Variants in SPAG17 observed in about 807,000 individuals in gnomAD.
SPAG17 encodes sperm-associated antigen 17.
SPAG17 carries 169 observed loss-of-function variants against 273.6 expected under a neutral mutation model. The ratio of observed to expected loss-of-function variants is 0.62; its 90% CI spans 0.55 to 0.70. SPAG17 has a LOEUF of 0.70. SPAG17 is among the 30% of genes least tolerant of loss of function. The pLI is 0.00. For synonymous variants in SPAG17, 825 were observed against 873.2 expected (o/e 0.94, Z 0.97); for missense variants, 2,557 against 2,627.8 (o/e 0.97, Z 0.59).
chr1:118,102,731 A>G (rs1181515798), intron 4 of SPAG17, among the ~76,000 whole-genome samples: 1 of 152,254 alleles, frequency 6.6e-6, no homozygotes, highest in African/African-American at 2.4e-5. Context: ...TAATGTAATT[A>G]CACTTTCAGT....
chr1:118,099,936 G>T, intron 5 of SPAG17, 136 bp from the exon 6 acceptor site: 1 of 673,080 alleles, frequency 1.5e-6, no homozygotes, highest in Non-Finnish European at 2.4e-6. Context: ...CAGTTGGCTG[G>T]AATGCAGTCA....
chr1:118,092,341 A>T (rs1002473268), intron 8 of SPAG17, among the ~76,000 whole-genome samples: 2 of 152,066 alleles, frequency 1.3e-5, no homozygotes, highest in Admixed American at 1.3e-4. Context: ...ATCCTTCAGC[A>T]GTTCTCCATT....
chr1:118,168,898 C>T (rs1660293763), intron 1 of SPAG17, among the ~76,000 whole-genome samples: 1 of 152,088 alleles, frequency 6.6e-6, no homozygotes, highest in African/African-American at 2.4e-5. Context: ...CAGCATGTAC[C>T]TGGGGACCAT....
At chr1:118,123,799 CA>C (rs1558029290) in intron 3 of SPAG17, among the ~76,000 whole-genome samples, 17 of 152,252 alleles carry the variant, frequency 1.1e-4, no homozygotes, top group Non-Finnish European at 2.2e-4. Flanking sequence ...AAGTTGGTAA[CA>C]TAATAACATT....
At chr1:118,171,295 A>C (rs1660407025) in intron 1 of SPAG17, among the ~76,000 whole-genome samples, 1 of 152,084 alleles carries the variant, frequency 6.6e-6, no homozygotes, top group Non-Finnish European at 1.5e-5. Flanking sequence ...AGAAAATATA[A>C]GATTTGGTTC....
At chr1:118,154,506 A>C (rs889746883) in intron 1 of SPAG17, among the ~76,000 whole-genome samples, 1 of 152,208 alleles carries the variant, frequency 6.6e-6, no homozygotes, top group African/African-American at 2.4e-5. Flanking sequence ...AGCATAGTTA[A>C]ATAAGCAATT....
chr1:118,069,323 C>T lies in SPAG17; in HGVS notation c.2386-2424G>A, dbSNP rs553320618. On this transcript the variant is annotated intron_variant, in intron 17 of 48. Transcript: ENST00000336338. ...GCATGCCACTGCACTCCAGCCTAAG[C>T]GACAGAGTGAGACTCCGTCTCAAAA... Among the ~76,000 whole-genome samples the T allele has an allele frequency of 9.3e-4, 112 of 120,284 alleles. 1 individual carries two copies. Among genetic ancestry groups the T allele is most frequent in the African/African-American group, 3.2e-3 (107 of 33,274 alleles). 78.9% of individuals were successfully genotyped at this position (120,284 alleles called of 152,430 possible).
chr1:118,004,445 C>T (rs1343106611), intron 32 of SPAG17, among the ~76,000 whole-genome samples: 14 of 152,232 alleles, frequency 9.2e-5, no homozygotes, highest in Non-Finnish European at 1.5e-5. Flanking sequence ...GGCAGTAGGC[C>T]TTGCTGAGCT....
intron 25 of SPAG17, among the ~76,000 whole-genome samples, 178 bp downstream of exon 25, chr1:118,031,514 C>T (rs1648463240): frequency 6.6e-6 from 1 of 152,046 alleles, no homozygotes; most frequent in African/African-American, 2.4e-5. Flanking sequence ...AGTGGTAACC[C>T]AACTTTTGGG....
In SPAG17 at chr1:118,039,318, CCTT is replaced by C. The variant is rs1313706194; in HGVS notation, c.3290_3292del (p.Glu1097del). The C allele has an allele frequency of 1.9e-6, 3 of 1,613,148 alleles. No homozygotes were observed. Among genetic ancestry groups the C allele is most frequent in the East Asian group, 2.2e-5 (1 of 44,850 alleles). On this transcript the variant is annotated inframe_deletion, in exon 23 of 49. Coordinates refer to ENST00000336338, the MANE Select transcript of SPAG17 (RefSeq NM_206996.4). ...CGTTTCAAGACTTTGTTCCTCATCT[CCTT>C]CTTCTTCCTCTTCTAAATAATAATC...
intron 20 of SPAG17, among the ~76,000 whole-genome samples, chr1:118,049,477 G>A (rs1300596577): frequency 1.3e-5 from 2 of 152,022 alleles, no homozygotes; most frequent in African/African-American, 4.8e-5. Flanking sequence ...AAAATCACAT[G>A]GTCATCACAA....
intron 3 of SPAG17, among the ~76,000 whole-genome samples, chr1:118,120,908 A>G (rs1028413606): frequency 3.3e-5 from 5 of 152,168 alleles, no homozygotes; most frequent in Non-Finnish European, 7.4e-5. Flanking sequence ...TGAGATTTTT[A>G]TTTATTATAG....
intron 1 of SPAG17, among the ~76,000 whole-genome samples, chr1:118,162,534 A>T (rs1436113814): frequency 1.3e-5 from 2 of 152,212 alleles, no homozygotes; most frequent in Admixed American, 6.5e-5. Flanking sequence ...GAAATACACA[A>T]AAAAGGTGAA....
chr1:117,957,107 T>C (rs1652322322), intron 48 of SPAG17: 2 of 1,608,632 alleles, frequency 1.2e-6, no homozygotes, highest in Non-Finnish European at 8.5e-7. Context: ...CTTTCTCTTA[T>C]GTCCCAGACA....
chr1:118,094,888 T>C (rs1263990207), intron 7 of SPAG17, among the ~76,000 whole-genome samples: 1 of 152,098 alleles, frequency 6.6e-6, no homozygotes, highest in Non-Finnish European at 1.5e-5. Flanking sequence ...TAAGATGACA[T>C]TCAGTAAATA....
rs763439559 is a variant in SPAG17, at chr1:118,041,921, T to A, written c.2936A>T (p.Asp979Val). 6 of 1,613,884 alleles carry A rather than the reference T, an allele frequency of 3.7e-6. No homozygotes were observed. In the African/African-American group the frequency reaches 4.0e-5, roughly 11 times the overall value. Residue 979 changes from aspartate to valine, a missense_variant, in exon 21 of 49, where the codon GAT (aspartate) becomes GTT (valine). Coordinates refer to ENST00000336338, the MANE Select transcript of SPAG17 (RefSeq NM_206996.4). ...TGATTTTTTCTTCAAAGACCTACTA[T>A]CCTCTTTCTCTGCGTTATCCTTGCC... ...KKGKDNAEKE[D>V]SRSLKKKSPY... is the part of the protein sequence containing the mutation.
chr1:118,098,993 C>G (rs1434356928), intron 6 of SPAG17, among the ~76,000 whole-genome samples: 1 of 152,078 alleles, frequency 6.6e-6, no homozygotes. Context: ...AATCTTACAC[C>G]AAATTCTAGT....
At chr1:117,983,772 G>A (rs752305102) in intron 42 of SPAG17, 39 bp downstream of exon 42, 31 of 1,401,174 alleles carry the variant, frequency 2.2e-5, no homozygotes, top group Middle Eastern at 1.8e-4. Context: ...ATTCAGTTAC[G>A]GACATTTAAT....
At chr1:118,018,912 C>T (rs531015650) in intron 28 of SPAG17, among the ~76,000 whole-genome samples, 1 of 150,694 alleles carries the variant, frequency 6.6e-6, no homozygotes, top group Non-Finnish European at 1.5e-5. Context: ...CATCTAAAGA[C>T]AAGTCCCAGC....
Sources: allele counts gnomAD v4.1 joint callset (sites outside exome capture counted in the v4.1 genomes callset), GRCh38; gene constraint gnomAD v4.1.1; transcripts MANE v1.5; gene names NCBI Gene and HGNC (gene_info 2026-07-23, HGNC 2026-07-21).